The following CFAP299 variants were observed in gnomAD, a reference collection of about 807,000 sequenced individuals.
CFAP299 encodes cilia and flagella associated protein 299.
In CFAP299, 21 loss-of-function variants were observed where a neutral mutation model predicts 27.0. The observed-to-expected ratio is 0.78, with a 90% CI of 0.55 to 1.12. CFAP299 has a LOEUF of 1.12. Ranked by LOEUF, CFAP299 falls within the 50% of genes most tolerant of loss-of-function variation. The pLI is 0.00. For synonymous variants in CFAP299, 104 were observed against 98.1 expected, an observed-to-expected ratio of 1.06 and a Z score of -0.36; for missense variants, 310 against 276.6, an observed-to-expected ratio of 1.12 and a Z score of -0.86.
intron 3 of CFAP299, among the ~76,000 whole-genome samples, chr4:80,698,149 C>T (rs566423299): frequency 5.2e-4 from 79 of 152,260 alleles, no homozygotes; most frequent in African/African-American, 1.8e-3. Context: ...TTATGTATGA[C>T]TCTGGAAAAT....
intron 3 of CFAP299, among the ~76,000 whole-genome samples, chr4:80,589,252 T>A (rs1261809398): frequency 1.3e-5 from 2 of 152,270 alleles, no homozygotes; most frequent in East Asian, 1.9e-4. Flanking sequence ...TTGCCCAGTG[T>A]TCATGGTAAA....
chr4:80,552,710 T>C (rs997711120), intron 2 of CFAP299, among the ~76,000 whole-genome samples: 3 of 152,194 alleles, frequency 2.0e-5, no homozygotes, highest in Non-Finnish European at 4.4e-5. Flanking sequence ...TTTTCAGAGA[T>C]AGAGTCTTGC....
chr4:80,390,756 CAT>C (rs1416713330), intron 2 of CFAP299, among the ~76,000 whole-genome samples: 1 of 96,242 alleles, frequency 1.0e-5, no homozygotes, highest in Non-Finnish European at 2.1e-5. Flanking sequence ...TATATACACA[CAT>C]ATGTATATAT....
rs112670733 is a variant in CFAP299, at chr4:80,871,551, T to A, written c.476+1416T>A. 2.5e-5 allele frequency: 25 copies of A among 985,454 alleles called. 1 individual carries two copies. In the African/African-American group the frequency reaches 3.0e-4, roughly 12 times the overall value. The allele number at this position is 985,454 out of a possible 1,614,324, so 61.0% of individuals were successfully genotyped here. A position where few individuals can be genotyped will look rare whatever the true frequency, so the allele number is the denominator to read the frequency against. On this transcript the variant is annotated intron_variant, in intron 4 of 5. Transcript: ENST00000358105. ...CCTGAAGCCTGCTATTGCTTCTGTG[T>A]CACCTGTCTTGGCAAATGGCATCAC...
chr4:80,753,180 T>G (rs1725032652), intron 3 of CFAP299, among the ~76,000 whole-genome samples: 1 of 151,954 alleles, frequency 6.6e-6, no homozygotes, highest in African/African-American at 2.4e-5. Context: ...GAAAGTCTGC[T>G]GGCAATGAAA....
At chr4:80,622,536 C>T (rs1321761794) in intron 3 of CFAP299, among the ~76,000 whole-genome samples, 1 of 152,120 alleles carries the variant, frequency 6.6e-6, no homozygotes, top group Non-Finnish European at 1.5e-5. Flanking sequence ...CATCTTGTTT[C>T]ATAATATAAT....
chr4:80,677,993 G>A (rs1033904410), intron 3 of CFAP299, among the ~76,000 whole-genome samples: 4 of 151,910 alleles, frequency 2.6e-5, no homozygotes, highest in East Asian at 1.9e-4. Context: ...TTCTACTTGG[G>A]AAATCCCCAT....
intron 3 of CFAP299, among the ~76,000 whole-genome samples, chr4:80,740,016 ATTTC>A (rs1724163443): frequency 6.6e-6 from 1 of 151,638 alleles, no homozygotes; most frequent in Non-Finnish European, 1.5e-5. Flanking sequence ...TCTTTATTTA[ATTTC>A]TTTGTTACAT....
chr4:80,341,310 C>T lies in CFAP299; in HGVS notation c.111+5431C>T, dbSNP rs113679755. ...GTGTGGATGAGGAAGGATCCCCCAACGCAGCACACCTGCTCTACCAAAAAG... is the reference window on the plus strand; with the variant it reads ...GTGTGGATGAGGAAGGATCCCCCAATGCAGCACACCTGCTCTACCAAAAAG... On this transcript the variant is annotated intron_variant, in intron 1 of 5. Transcript: ENST00000358105. Among the ~76,000 whole-genome samples, 58 of 152,296 alleles carry T rather than the reference C, an allele frequency of 3.8e-4. No individual in the cohort carries two copies. The Middle Eastern group carries it at 0.017, about 45-fold the overall frequency.
chr4:80,895,170 C>CCACACACACA (rs66497721), intron 4 of CFAP299, among the ~76,000 whole-genome samples: 5 of 132,592 alleles, frequency 3.8e-5, no homozygotes, highest in African/African-American at 1.1e-4. Context: ...AATGTTCTCA[C>CCACACACACA]CACACACACA....
intron 3 of CFAP299, among the ~76,000 whole-genome samples, chr4:80,696,705 T>C (rs112542291): frequency 0.021 from 3,203 of 152,276 alleles, 81 homozygotes; most frequent in South Asian, 0.063. Context: ...AGGATGATTA[T>C]GGAAGGCTCC....
chr4:80,449,007 T>C (rs1449367820), intron 2 of CFAP299, among the ~76,000 whole-genome samples: 1 of 152,186 alleles, frequency 6.6e-6, no homozygotes, highest in Non-Finnish European at 1.5e-5. Flanking sequence ...AATGTACTTC[T>C]TGGAGATTAA....
intron 4 of CFAP299, among the ~76,000 whole-genome samples, chr4:80,921,593 G>A (rs958995138): frequency 6.6e-6 from 1 of 152,066 alleles, no homozygotes; most frequent in Non-Finnish European, 1.5e-5. Flanking sequence ...AAGACATGAA[G>A]GGCCATGTAA....
At position 80,546,799 on chromosome 4, in the gene CFAP299, A is replaced by G. The variant is rs1214250419; in HGVS notation, c.243-36294A>G. On this transcript the variant is annotated intron_variant, in intron 2 of 5. Coordinates refer to ENST00000358105, the MANE Select transcript of CFAP299 (RefSeq NM_152770.3). ...CCTGAGACTCTCTCAGAAGCTGAAC[A>G]GATGACAGCACCATGTTTGTACAGC... Among the ~76,000 whole-genome samples, 6 of 152,200 alleles carry G rather than the reference A, an allele frequency of 3.9e-5. No homozygotes were observed. The East Asian group carries it at 9.6e-4, about 24-fold the overall frequency.
At chr4:80,627,274 A>T (rs541523272) in intron 3 of CFAP299, among the ~76,000 whole-genome samples, 2 of 151,956 alleles carry the variant, frequency 1.3e-5, no homozygotes, top group Non-Finnish European at 2.9e-5. Flanking sequence ...GGTGCAAAAA[A>T]ATTTGGAAAA....
chr4:80,608,316 C>T (rs976469340), intron 3 of CFAP299: 3 of 1,517,194 alleles, frequency 2.0e-6, no homozygotes, highest in East Asian at 2.5e-5. Flanking sequence ...TGGATTTCCC[C>T]TTTTAATTTG....
intron 3 of CFAP299, among the ~76,000 whole-genome samples, chr4:80,852,038 G>A (rs1419185546): frequency 3.3e-5 from 5 of 152,070 alleles, no homozygotes; most frequent in Non-Finnish European, 7.4e-5. Context: ...TAAGAAGGGA[G>A]CTGGATATTT....
intron 2 of CFAP299, among the ~76,000 whole-genome samples, chr4:80,415,894 A>G (rs1726977294): frequency 6.6e-6 from 1 of 152,204 alleles, no homozygotes; most frequent in African/African-American, 2.4e-5. Flanking sequence ...TGGGGTGATT[A>G]CTATAGGCTG....
At chr4:80,746,684 C>G (rs796192818) in intron 3 of CFAP299, among the ~76,000 whole-genome samples, 5 of 152,128 alleles carry the variant, frequency 3.3e-5, no homozygotes, top group African/African-American at 1.2e-4. Context: ...ATGGCATTCA[C>G]AGTCAAGCAA....
Sources: allele counts gnomAD v4.1 joint callset (sites outside exome capture counted in the v4.1 genomes callset), GRCh38; gene constraint gnomAD v4.1.1; transcripts MANE v1.5; gene names NCBI Gene and HGNC (gene_info 2026-07-23, HGNC 2026-07-21).